Variants in ACLY observed in about 807,000 individuals in gnomAD.
ACLY encodes the protein ATP-citrate synthase.
In ACLY, 41 loss-of-function variants were observed where a neutral mutation model predicts 133.0. The ratio of observed to expected loss-of-function variants is 0.31; its 90% CI spans 0.24 to 0.40. ACLY has a LOEUF of 0.40. ACLY is among the 10% of genes least tolerant of loss of function. The pLI is 1.00. For synonymous variants in ACLY, 495 were observed against 549.3 expected (o/e 0.90, Z 1.38); for missense variants, 1,046 against 1,453.8 (o/e 0.72, Z 4.56).
chr17:41,904,882 T>C (rs940858863), intron 9 of ACLY, 92 bp from the exon 10 acceptor site: 7 of 1,246,508 alleles, frequency 5.6e-6, no homozygotes, highest in East Asian at 2.4e-5. Context: ...CTTGTTCCCC[T>C]GAATGAGGGT....
At chr17:41,895,314 C>T (rs2049335279) in intron 14 of ACLY, among the ~76,000 whole-genome samples, 2 of 152,202 alleles carry the variant, frequency 1.3e-5, no homozygotes, top group African/African-American at 2.4e-5. Flanking sequence ...GATCTATCTA[C>T]CCTGCCAGCT....
At chr17:41,890,043 A>G (rs1555628943) in intron 16 of ACLY, among the ~76,000 whole-genome samples, 1 of 152,220 alleles carries the variant, frequency 6.6e-6, no homozygotes, top group Non-Finnish European at 1.5e-5. Flanking sequence ...TTAAGGATAT[A>G]GGCAAATGTT....
intron 21 of ACLY, 53 bp downstream of exon 21, chr17:41,878,744 G>A (rs1223997839): frequency 2.5e-6 from 4 of 1,609,470 alleles, no homozygotes; most frequent in Non-Finnish European, 3.4e-6. Context: ...TGCTGTCTCA[G>A]GAGGGATTTG....
At chr17:41,915,931 T>A (rs1242518372) in intron 1 of ACLY, among the ~76,000 whole-genome samples, 1 of 152,164 alleles carries the variant, frequency 6.6e-6, no homozygotes, top group Non-Finnish European at 1.5e-5. Context: ...GTCCCTGGGC[T>A]ATGCCTCTCT....
intron 19 of ACLY, among the ~76,000 whole-genome samples, chr17:41,883,582 C>CTT (rs139989311): frequency 4.5e-5 from 4 of 88,920 alleles, no homozygotes; most frequent in Non-Finnish European, 6.5e-5. Flanking sequence ...TTTTTTTTTG[C>CTT]TTTTTTTTTT....
intron 25 of ACLY, among the ~76,000 whole-genome samples, chr17:41,869,908 A>G (rs1365637631): frequency 6.6e-6 from 1 of 151,874 alleles, no homozygotes; most frequent in East Asian, 1.9e-4. Context: ...AAAGTTAACC[A>G]CTCTCCAACT....
chr17:41,919,143 T>A, upstream of ACLY: 4 of 1,071,528 alleles, frequency 3.7e-6, no homozygotes, highest in Non-Finnish European at 4.7e-6. Flanking sequence ...TGCTGGGACT[T>A]GTAGTCCCGC....
At chr17:41,912,688 T>C in intron 2 of ACLY, 146 bp from the exon 3 acceptor site, 1 of 1,027,390 alleles carries the variant, frequency 9.7e-7, no homozygotes, top group Non-Finnish European at 1.4e-6. Context: ...AGTCAACTCC[T>C]GGATGCTTCC....
chr17:41,909,811 C>A, intron 4 of ACLY, 111 bp from the exon 5 acceptor site: 1 of 908,380 alleles, frequency 1.1e-6, no homozygotes. Flanking sequence ...GAAACCAATC[C>A]CCACGGTCTC....
At chr17:41,874,117 G>A (rs139677928) in intron 22 of ACLY, 152 bp from the exon 23 acceptor site, 550 of 840,170 alleles carry the variant, frequency 6.5e-4, no homozygotes, top group Admixed American at 1.8e-3. Flanking sequence ...GTTTTCCCAA[G>A]AAAGAAGTGC....
At position 41,869,546 on chromosome 17, in the gene ACLY, G is replaced by A. The variant is rs144346203; in HGVS notation, c.2979C>T (p.Tyr993=). ...GAGTGGCAGGGAAGTGCTGCCTGACGTAATCTTTGAGGATCTGCACTCGCA... is the reference window on the plus strand; with the variant it reads ...GAGTGGCAGGGAAGTGCTGCCTGACATAATCTTTGAGGATCTGCACTCGCA... ...PDMRVQILKD[Y]VRQHFPATPL... Residue 993 remains tyrosine, a synonymous_variant, in exon 26 of 29, where the codon TAC becomes TAT. Transcript: ENST00000352035. The A allele has an allele frequency of 7.4e-6, 12 of 1,614,002 alleles. No individual in the cohort carries two copies. The African/African-American group carries it at 1.2e-4, about 16-fold the overall frequency.
At chr17:41,900,187 C>T (rs527462634) in intron 11 of ACLY, among the ~76,000 whole-genome samples, 3 of 150,948 alleles carry the variant, frequency 2.0e-5, no homozygotes, top group Admixed American at 6.6e-5. Context: ...GGTGAAACCC[C>T]GTCTCTACTA....
At chr17:41,902,098 G>T (rs1431563508) in intron 10 of ACLY, among the ~76,000 whole-genome samples, 1 of 152,154 alleles carries the variant, frequency 6.6e-6, no homozygotes, top group Non-Finnish European at 1.5e-5. Flanking sequence ...AGTCATTACT[G>T]CCTCTTACTA....
In ACLY at chr17:41,867,241, C is replaced by T. The variant is rs1712109075; in HGVS notation, c.*569G>A. 1 of 152,514 alleles carries T rather than the reference C, an allele frequency of 6.6e-6. No homozygotes were observed. The highest frequency in any genetic ancestry group is 2.1e-4 in the South Asian group (1 of 4,830). 9.4% of individuals were successfully genotyped at this position (152,514 alleles called of 1,614,324 possible). ...CCCCCTGACATAAACAGACTCTGGT[C>T]TGCAACACAGAACATTTCAGTGGGA... On this transcript the variant is annotated 3_prime_UTR_variant, in exon 29 of 29. Transcript: ENST00000352035.
Position 41,909,087 on chromosome 17 carries a change from G to A in ACLY, c.537-19C>T, listed in dbSNP as rs1555633169. 1 of 1,595,124 alleles carries A rather than the reference G, an allele frequency of 6.3e-7. No homozygotes were observed. Among genetic ancestry groups the A allele is most frequent in the Non-Finnish European group, 8.6e-7 (1 of 1,166,182 alleles). On this transcript the variant is annotated intron_variant, in intron 5 of 28. Transcript: ENST00000352035. ...CAGAATTCTAGAGGTGGGAGGGAGA[G>A]AGGGACAGTTCATCCATCAGGGAGC...
In ACLY at chr17:41,867,759, TGGGGGAA is replaced by T; in HGVS notation, c.*44_*50del. On this transcript the variant is annotated 3_prime_UTR_variant, in exon 29 of 29. Coordinates refer to ENST00000352035, the MANE Select transcript of ACLY (RefSeq NM_001096.3). ...TGCCAGCTGTCTGTACACTTTTTCT[TGGGGGAA>T]GAGATCTTGTCTTCAGTTTACTGCA... is the stretch of plus-strand genomic sequence containing the variant. The T allele has an allele frequency of 6.8e-7, 1 of 1,461,292 alleles. No individual in the cohort carries two copies. The highest frequency in any genetic ancestry group is 1.9e-5 in the Admixed American group (1 of 53,566). 90.5% of individuals were successfully genotyped at this position (1,461,292 alleles called of 1,614,324 possible).
At chr17:41,878,710 A>C in intron 21 of ACLY, 87 bp downstream of exon 21, 1 of 1,526,176 alleles carries the variant, frequency 6.6e-7, no homozygotes, top group South Asian at 1.1e-5. Context: ...CCAGGAATAC[A>C]TGATGTCCCT....
chr17:41,900,869 T>A (rs1598020175), intron 11 of ACLY, among the ~76,000 whole-genome samples: 1 of 152,040 alleles, frequency 6.6e-6, no homozygotes, highest in African/African-American at 2.4e-5. Flanking sequence ...CACTGCAGGG[T>A]ATGGGAATTT....
intron 19 of ACLY, 100 bp downstream of exon 19, chr17:41,884,093 C>T (rs1303134360): frequency 2.8e-6 from 2 of 702,182 alleles, no homozygotes; most frequent in African/African-American, 3.5e-5. Context: ...CAGGGACTGT[C>T]CCTTTAAGTT....
Sources: gnomAD v4.1 joint callset for allele counts (sites outside exome capture counted in the v4.1 genomes callset) on GRCh38, gnomAD v4.1.1 for gene constraint, MANE v1.5 for transcripts, NCBI Gene and HGNC (gene_info 2026-07-23, HGNC 2026-07-21) for gene names.